PCDHAC2: variants seen among roughly 807,000 people sequenced by gnomAD.
The protein encoded by PCDHAC2 is protocadherin alpha subfamily C, 2.
In PCDHAC2, 24 loss-of-function variants were observed where a neutral mutation model predicts 63.3. The ratio of observed to expected loss-of-function variants is 0.38; its 90% CI spans 0.27 to 0.53. PCDHAC2 has a LOEUF of 0.53. PCDHAC2 is among the 20% of genes least tolerant of loss of function. The pLI is 0.81. For synonymous variants in PCDHAC2, 569 were observed against 529.4 expected, an observed-to-expected ratio of 1.07 and a Z score of -1.03; for missense variants, 1,181 against 1,275.2, an observed-to-expected ratio of 0.93 and a Z score of 1.12.
chr5:141,004,414 C>A (rs2153980954), intron 3 of PCDHAC2, among the ~76,000 whole-genome samples: 1 of 152,330 alleles, frequency 6.6e-6, no homozygotes, highest in Non-Finnish European at 1.5e-5. Context: ...CTGACTAGAT[C>A]TCTGCCTCCT....
intron 1 of PCDHAC2, among the ~76,000 whole-genome samples, chr5:140,975,613 A>G (rs1482474647): frequency 1.3e-5 from 2 of 152,226 alleles, no homozygotes; most frequent in Non-Finnish European, 2.9e-5. Context: ...TGTCTTCCAC[A>G]TGGATTTCCA....
At chr5:141,002,567 C>T (rs2098086110) in intron 3 of PCDHAC2, among the ~76,000 whole-genome samples, 1 of 152,210 alleles carries the variant, frequency 6.6e-6, no homozygotes, top group Admixed American at 6.5e-5. Context: ...CAGTTAGTGA[C>T]CATGTGACCA....
chr5:140,999,139 C>T lies in PCDHAC2; in HGVS notation c.2714-10488C>T, dbSNP rs185453971. 2.6e-3 allele frequency among the ~76,000 whole-genome samples: 401 copies of T among 152,236 alleles called. 3 individuals carry two copies. The highest frequency in any genetic ancestry group is 5.8e-3 in the South Asian group (28 of 4,818). On this transcript the variant is annotated intron_variant, in intron 3 of 3. Coordinates refer to ENST00000289269, the MANE Select transcript of PCDHAC2 (RefSeq NM_018899.6). ...TTTCTAAGCTGGAAAATGTCACAGCCGGAAGTCTTCAGTCCCCTAGAAGGA... is the reference window on the plus strand; with the variant it reads ...TTTCTAAGCTGGAAAATGTCACAGCTGGAAGTCTTCAGTCCCCTAGAAGGA...
chr5:141,001,461 C>G (rs2098019350), intron 3 of PCDHAC2, among the ~76,000 whole-genome samples: 1 of 152,214 alleles, frequency 6.6e-6, no homozygotes, highest in South Asian at 2.1e-4. Context: ...AATTGAAGGA[C>G]TAAGCAGCAG....
intron 3 of PCDHAC2, among the ~76,000 whole-genome samples, chr5:141,007,101 A>T (rs1412645072): frequency 6.6e-5 from 10 of 152,188 alleles, no homozygotes; most frequent in African/African-American, 1.7e-4. Flanking sequence ...TCTAGGGCCA[A>T]ACCCAAGGAA....
chr5:140,983,076 T>A (rs1390525890), intron 3 of PCDHAC2, among the ~76,000 whole-genome samples: 1 of 152,168 alleles, frequency 6.6e-6, no homozygotes, highest in Non-Finnish European at 1.5e-5. Context: ...TTGTTTTGAG[T>A]TCAAGTCAAA....
intron 3 of PCDHAC2, among the ~76,000 whole-genome samples, chr5:140,995,405 T>G (rs1203404732): frequency 2.6e-5 from 4 of 152,154 alleles, no homozygotes; most frequent in African/African-American, 9.7e-5. Context: ...TGGCTCGAGA[T>G]TTCATCACAT....
chr5:140,978,103 A>T (rs2096789005), intron 1 of PCDHAC2, among the ~76,000 whole-genome samples: 1 of 152,106 alleles, frequency 6.6e-6, no homozygotes, highest in South Asian at 2.1e-4. Context: ...AACTCCCCCA[A>T]CAGTCTTTAA....
intron 3 of PCDHAC2, among the ~76,000 whole-genome samples, chr5:141,001,524 C>T (rs952372807): frequency 6.6e-6 from 1 of 152,202 alleles, no homozygotes; most frequent in Non-Finnish European, 1.5e-5. Context: ...CTCCCTCTCT[C>T]TCTGATCCTG....
intron 3 of PCDHAC2, among the ~76,000 whole-genome samples, chr5:140,994,912 A>G (rs2097655532): frequency 6.6e-6 from 1 of 152,222 alleles, no homozygotes; most frequent in Admixed American, 6.5e-5. Flanking sequence ...GTAGACTGGA[A>G]TCAGATTTTG....
chr5:140,999,363 A>G (rs772527438), intron 3 of PCDHAC2, among the ~76,000 whole-genome samples: 1 of 152,198 alleles, frequency 6.6e-6, no homozygotes, highest in Non-Finnish European at 1.5e-5. Flanking sequence ...AATGTTCACA[A>G]TCCCATTAGA....
At position 140,968,473 on chromosome 5, in the gene PCDHAC2, G is replaced by A; in HGVS notation, c.1707G>A (p.Val569=). 6.2e-7 allele frequency: 1 copy of A among 1,614,098 alleles called. No individual in the cohort carries two copies. ...GCACTGTGACTGCCAACGTATATGT[G>A]GTGGACATGAATGACCATGCCCCTC... ...LSSTVTANVY[V]VDMNDHAPHI... The change falls in exon 1 of 4, where the codon GTG becomes GTA. Residue 569 remains valine (V), a synonymous_variant. Transcript: ENST00000289269.
In PCDHAC2 at chr5:140,968,461, C is replaced by G. The variant is rs141568667; in HGVS notation, c.1695C>G (p.Ala565=). The G allele has an allele frequency of 1.4e-5, 22 of 1,614,078 alleles. No homozygotes were observed. The highest frequency in any genetic ancestry group is 1.9e-5 in the Non-Finnish European group (22 of 1,180,016). Residue 565 remains alanine, a synonymous_variant, in exon 1 of 4, where the codon GCC becomes GCG. Transcript: ENST00000289269. ...CACCACTGAGCAGCACTGTGACTGC[C>G]AACGTATATGTGGTGGACATGAATG... ...GSPPLSSTVT[A]NVYVVDMNDH... is the part of the protein sequence containing the mutation.
rs1195446919 is a variant in PCDHAC2, at chr5:140,968,425, C to T, written c.1659C>T (p.Asp553=). ...TCTTTGTGACTGTGGAGGCTCAGGA[C>T]AAGGGGAGCCCACCACTGAGCAGCA... ...REFFVTVEAQ[D]KGSPPLSSTV... The change falls in exon 1 of 4, where the codon GAC becomes GAT. Residue 553 remains aspartate, a synonymous_variant. Transcript: ENST00000289269. 1 of 1,613,832 alleles carries T rather than the reference C, an allele frequency of 6.2e-7. No individual in the cohort carries two copies. Among genetic ancestry groups the T allele is most frequent in the Non-Finnish European group, 8.5e-7 (1 of 1,180,014 alleles).
chr5:140,987,636 C>A (rs569411440), intron 3 of PCDHAC2, among the ~76,000 whole-genome samples: 1 of 152,256 alleles, frequency 6.6e-6, no homozygotes, highest in African/African-American at 2.4e-5. Context: ...TGAGATAATG[C>A]ACACATATTG....
intron 3 of PCDHAC2, among the ~76,000 whole-genome samples, chr5:140,994,234 C>A (rs1285846864): frequency 4.6e-5 from 7 of 152,146 alleles, no homozygotes; most frequent in South Asian, 2.1e-4. Flanking sequence ...ATGTTATAAT[C>A]AATTCAAACC....
chr5:141,005,535 C>T (rs1254351919), intron 3 of PCDHAC2, among the ~76,000 whole-genome samples: 2 of 151,078 alleles, frequency 1.3e-5, no homozygotes, highest in Non-Finnish European at 2.9e-5. Flanking sequence ...AACCCCGTCT[C>T]TACTAAAAAT....
intron 3 of PCDHAC2, 94 bp from the exon 4 acceptor site, chr5:141,009,533 G>C: frequency 1.3e-6 from 2 of 1,509,446 alleles, no homozygotes; most frequent in Non-Finnish European, 1.8e-6. Context: ...GGGAGGTTCA[G>C]CCTGCCTATG....
chr5:140,975,579 A>G (rs1464978366), intron 1 of PCDHAC2, among the ~76,000 whole-genome samples: 3 of 152,244 alleles, frequency 2.0e-5, no homozygotes, highest in Non-Finnish European at 4.4e-5. Context: ...ATGCAGTCTC[A>G]TGTCCCAGAG....
Sources: gnomAD v4.1 joint callset for allele counts (sites outside exome capture counted in the v4.1 genomes callset) on GRCh38, gnomAD v4.1.1 for gene constraint, MANE v1.5 for transcripts, NCBI Gene and HGNC (gene_info 2026-07-23, HGNC 2026-07-21) for gene names.